Variants in GFRAL observed in about 807,000 individuals in gnomAD.
GFRAL encodes the protein GDNF family receptor alpha-like.
A neutral mutation model predicts 45.4 loss-of-function variants in GFRAL; 36 were observed. The ratio of observed to expected loss-of-function variants is 0.79; its 90% CI spans 0.61 to 1.05. The LOEUF is 1.05. Ranked by LOEUF, GFRAL falls within the 50% of genes least tolerant of loss-of-function variation. The pLI, the probability that GFRAL is intolerant of heterozygous loss-of-function variation, is 0.00. For synonymous variants in GFRAL, 166 were observed against 154.1 expected (o/e 1.08, Z -0.57); for missense variants, 507 against 467.5 (o/e 1.08, Z -0.78).
intron 6 of GFRAL, among the ~76,000 whole-genome samples, chr6:55,379,339 AGT>A (rs1768575672): frequency 6.6e-6 from 1 of 151,726 alleles, no homozygotes; most frequent in South Asian, 2.1e-4. Context: ...GGGAGACCCC[AGT>A]GTCTGTTGTT....
At position 55,366,702 on chromosome 6, in the gene GFRAL, A is replaced by G. The variant is rs927156836; in HGVS notation, c.952+7564A>G. Among the ~76,000 whole-genome samples, 2 of 100,100 alleles carry G rather than the reference A, an allele frequency of 2.0e-5. 1 individual carries two copies. Among genetic ancestry groups the G allele is most frequent in the African/African-American group, 1.0e-4 (2 of 19,086 alleles). 65.7% of individuals were successfully genotyped at this position (100,100 alleles called of 152,430 possible). ...TCTGCCTTCATTTCGTTATGTACCC[A>G]GTAGTCATTCAGGAGCAGGTTGTTC... On this transcript the variant is annotated intron_variant, in intron 6 of 8. Transcript: ENST00000340465.
chr6:55,398,692 G>A (rs2127367675), intron 6 of GFRAL, among the ~76,000 whole-genome samples: 1 of 152,248 alleles, frequency 6.6e-6, no homozygotes, highest in East Asian at 1.9e-4. Context: ...GAATGGCCAG[G>A]AATAGCTCTG....
chr6:55,361,048 T>A (rs978766880), intron 6 of GFRAL, among the ~76,000 whole-genome samples: 3 of 151,988 alleles, frequency 2.0e-5, no homozygotes, highest in Non-Finnish European at 4.4e-5. Flanking sequence ...GAGCAAAAAA[T>A]TTGCAGAGGC....
chr6:55,342,549 G>A (rs115173861), intron 3 of GFRAL, among the ~76,000 whole-genome samples: 5,772 of 152,026 alleles, frequency 0.038, 142 homozygotes, highest in African/African-American at 0.062. Flanking sequence ...AGGGACAACC[G>A]GTACCCAGCC....
intron 3 of GFRAL, 35 bp from the exon 4 acceptor site, chr6:55,350,057 T>G (rs753565615): frequency 7.9e-7 from 1 of 1,270,760 alleles, no homozygotes; most frequent in Non-Finnish European, 1.1e-6. Context: ...AGAAAATTGT[T>G]CAATAATGAA....
intron 3 of GFRAL, among the ~76,000 whole-genome samples, chr6:55,340,683 A>G (rs1767951264): frequency 6.6e-6 from 1 of 152,096 alleles, no homozygotes; most frequent in Admixed American, 6.6e-5. Context: ...GGGGCAGGAT[A>G]GTGGGTGCAG....
At chr6:55,348,649 C>A (rs541996782) in intron 3 of GFRAL, among the ~76,000 whole-genome samples, 1 of 152,148 alleles carries the variant, frequency 6.6e-6, no homozygotes, top group African/African-American at 2.4e-5. Context: ...GGGAGAGAGA[C>A]AGCTAGCTCC....
chr6:55,331,878 A>G (rs756524437), intron 2 of GFRAL, 29 bp downstream of exon 2: 6 of 1,582,450 alleles, frequency 3.8e-6, no homozygotes, highest in Non-Finnish European at 2.6e-6. Flanking sequence ...ATACACTCAA[A>G]TGATTTATTT....
Position 55,333,944 on chromosome 6 carries a change from G to T in GFRAL, c.316G>T (p.Asp106Tyr). Reference protein sequence around the residue: ...LLGKKCINKSDNVKEDKFKWN... With the variant: ...LLGKKCINKSYNVKEDKFKWN... ...TGGAAAAAAATGTATCAATAAATCA[G>T]GTAATATTTTGTTTTAAGAAATGTT... is the stretch of plus-strand genomic sequence containing the variant. The change falls in exon 3 of 9, where the codon GAT becomes TAT. Residue 106 changes from aspartate (D) to tyrosine (Y), a missense_variant and splice_region_variant. Physicochemically the swap from Asp to Tyr is radical, Grantham distance 160. Transcript: ENST00000340465. 2 of 1,507,320 alleles carry T rather than the reference G, an allele frequency of 1.3e-6. No homozygotes were observed. The highest frequency in any genetic ancestry group is 1.3e-5 in the South Asian group (1 of 76,578). 93.4% of individuals were successfully genotyped at this position (1,507,320 alleles called of 1,614,324 possible).
At chr6:55,394,429 TGAAGAA>T (rs1225416919) in intron 6 of GFRAL, among the ~76,000 whole-genome samples, 2 of 152,064 alleles carry the variant, frequency 1.3e-5, no homozygotes, top group Non-Finnish European at 2.9e-5. Context: ...AAGAAGCCAG[TGAAGAA>T]GAATATTTGA....
chr6:55,345,492 T>C (rs1052820779), intron 3 of GFRAL, among the ~76,000 whole-genome samples: 6 of 152,196 alleles, frequency 3.9e-5, no homozygotes, highest in African/African-American at 9.6e-5. Flanking sequence ...GCTAGCCATA[T>C]GTGGAAAGCT....
intron 6 of GFRAL, among the ~76,000 whole-genome samples, chr6:55,366,144 C>G (rs896975901): frequency 8.5e-5 from 13 of 152,048 alleles, no homozygotes; most frequent in Non-Finnish European, 1.3e-4. Context: ...TTCAGAGATT[C>G]AACATCTTCC....
At chr6:55,330,435 C>T (rs1440683678) in intron 1 of GFRAL, among the ~76,000 whole-genome samples, 1 of 151,992 alleles carries the variant, frequency 6.6e-6, no homozygotes, top group Admixed American at 6.6e-5. Flanking sequence ...GGGATCCCCA[C>T]AGTTCTAGTA....
chr6:55,335,986 C>A (rs892959585), intron 3 of GFRAL, among the ~76,000 whole-genome samples: 5 of 151,226 alleles, frequency 3.3e-5, no homozygotes, highest in African/African-American at 1.2e-4. Flanking sequence ...ATTCTGCCAC[C>A]CAGGCTGGAG....
intron 6 of GFRAL, among the ~76,000 whole-genome samples, chr6:55,396,691 A>T (rs1011874346): frequency 6.6e-6 from 1 of 151,948 alleles, no homozygotes; most frequent in Admixed American, 6.6e-5. Context: ...ATTAAAATTA[A>T]TTTTTTTCAA....
chr6:55,338,331 C>G (rs953466028), intron 3 of GFRAL, among the ~76,000 whole-genome samples: 4 of 152,124 alleles, frequency 2.6e-5, no homozygotes, highest in Non-Finnish European at 5.9e-5. Flanking sequence ...CTCAGGTGAT[C>G]TGCCAGCATC....
At chr6:55,363,180 G>T (rs148132396) in intron 6 of GFRAL, among the ~76,000 whole-genome samples, 2,124 of 151,888 alleles carry the variant, frequency 0.014, 29 homozygotes, top group Non-Finnish European at 0.023. Flanking sequence ...AAAGAATACA[G>T]AAATAATCCC....
chr6:55,362,204 T>C (rs1768284349), intron 6 of GFRAL, among the ~76,000 whole-genome samples: 1 of 150,610 alleles, frequency 6.6e-6, no homozygotes, highest in African/African-American at 2.4e-5. Context: ...CTACATTGGG[T>C]GTGGTATAGT....
At chr6:55,339,663 A>G (rs1767936991) in intron 3 of GFRAL, among the ~76,000 whole-genome samples, 1 of 152,200 alleles carries the variant, frequency 6.6e-6, no homozygotes, top group African/African-American at 2.4e-5. Context: ...CTGAAAAGTC[A>G]AAAAAGATAG....
Sources: allele counts gnomAD v4.1 joint callset (sites outside exome capture counted in the v4.1 genomes callset), GRCh38; gene constraint gnomAD v4.1.1; transcripts MANE v1.5; gene names NCBI Gene and HGNC (gene_info 2026-07-23, HGNC 2026-07-21).